The following STOX1 variants were observed in gnomAD, a reference collection of about 807,000 sequenced individuals.
STOX1 encodes the protein storkhead box 1.
STOX1 carries 57 observed loss-of-function variants against 74.8 expected under a neutral mutation model. The observed-to-expected ratio is 0.76, with a 90% confidence interval of 0.62 to 0.95. STOX1 has a LOEUF of 0.95. Ranked by LOEUF, STOX1 falls within the 40% of genes least tolerant of loss-of-function variation. The pLI is 0.00. For missense variants in STOX1, 1,010 were observed against 1,117.0 expected, an observed-to-expected ratio of 0.90 and a Z score of 1.37; for synonymous variants, 375 against 401.3, an observed-to-expected ratio of 0.93 and a Z score of 0.78.
chr10:68,833,234 T>G (rs926659054), intron 1 of STOX1, among the ~76,000 whole-genome samples: 1 of 152,038 alleles, frequency 6.6e-6, no homozygotes, highest in South Asian at 2.1e-4. Context: ...TATAGGCGCG[T>G]GCCAGCACGC....
chr10:68,858,670 A>G (rs1260547312), intron 1 of STOX1, among the ~76,000 whole-genome samples: 2 of 152,020 alleles, frequency 1.3e-5, no homozygotes, highest in Admixed American at 6.6e-5. Context: ...TTGGGACACG[A>G]GCGGTTCAGA....
At chr10:68,852,163 C>T (rs1361239018) in intron 1 of STOX1, among the ~76,000 whole-genome samples, 1 of 150,752 alleles carries the variant, frequency 6.6e-6, no homozygotes, top group Non-Finnish European at 1.5e-5. Flanking sequence ...ATCTCACTGT[C>T]TTCTGACCTC....
chr10:68,879,494 C>T (rs1000748743), intron 1 of STOX1, among the ~76,000 whole-genome samples: 3 of 152,156 alleles, frequency 2.0e-5, no homozygotes, highest in African/African-American at 7.2e-5. Context: ...CTTTCCCTTT[C>T]CCCTTCTTTG....
intron 1 of STOX1, among the ~76,000 whole-genome samples, chr10:68,876,961 T>C (rs16913356): frequency 0.026 from 4,008 of 152,234 alleles, 171 homozygotes; most frequent in African/African-American, 0.091. Context: ...AGACCATAAC[T>C]GAAGCTCGAA....
At chr10:68,889,029 G>A (rs1212104252) in intron 3 of STOX1, among the ~76,000 whole-genome samples, 1 of 151,908 alleles carries the variant, frequency 6.6e-6, no homozygotes, top group Non-Finnish European at 1.5e-5. Flanking sequence ...GTCACCAGCT[G>A]GAGTGCAATG....
At chr10:68,872,494 C>A in intron 1 of STOX1, among the ~76,000 whole-genome samples, 1 of 151,844 alleles carries the variant, frequency 6.6e-6, no homozygotes, top group African/African-American at 2.4e-5. Context: ...CACAGGCACC[C>A]ACCACCACGC....
chr10:68,841,834 G>C (rs1839698857), intron 1 of STOX1, among the ~76,000 whole-genome samples: 1 of 152,156 alleles, frequency 6.6e-6, no homozygotes, highest in Non-Finnish European at 1.5e-5. Context: ...GTAGATGTTG[G>C]AGGCGTTCCT....
intron 1 of STOX1, among the ~76,000 whole-genome samples, chr10:68,871,393 G>A (rs370543393): frequency 6.4e-4 from 98 of 152,300 alleles, no homozygotes; most frequent in Non-Finnish European, 1.3e-3. Flanking sequence ...TATATCACCC[G>A]AAAAGGAGGC....
chr10:68,846,116 GTTT>G (rs869245499), intron 1 of STOX1, among the ~76,000 whole-genome samples: 259 of 93,838 alleles, frequency 2.8e-3, no homozygotes, highest in South Asian at 9.2e-3. Context: ...ATGGCTTGAG[GTTT>G]TTATTATTAT....
intron 1 of STOX1, among the ~76,000 whole-genome samples, chr10:68,833,348 CA>C (rs1451974032): frequency 6.6e-6 from 1 of 152,086 alleles, no homozygotes; most frequent in Non-Finnish European, 1.5e-5. Context: ...CTCAGCCTCC[CA>C]AAGTACTGGT....
chr10:68,877,832 G>A (rs1166907313), intron 1 of STOX1, among the ~76,000 whole-genome samples: 1 of 152,228 alleles, frequency 6.6e-6, no homozygotes, highest in African/African-American at 2.4e-5. Context: ...AAAGCCTTCA[G>A]GCTTTGCCCT....
chr10:68,884,542 A>T lies in STOX1; in HGVS notation c.746A>T (p.Asp249Val). Residue 249 changes from aspartate (D) to valine (V), a missense_variant, in exon 3 of 4, where the codon GAC (aspartate) becomes GTC (valine). Coordinates refer to ENST00000298596, the MANE Select transcript of STOX1 (RefSeq NM_152709.5). The stretch of plus-strand genomic sequence containing the variant: ...TGTCAGTCTTGCCAGTGTTTCCGGG[A>T]CATGCACACTCAGGATGTTCAGGAA... The part of the protein sequence containing the change: ...SHCQSCQCFR[D>V]MHTQDVQEAP... 6.2e-7 allele frequency: 1 copy of T among 1,613,818 alleles called. No individual in the cohort carries two copies. The highest frequency in any genetic ancestry group is 2.2e-5 in the East Asian group (1 of 44,888).
In STOX1 at chr10:68,892,586, T is replaced by C. The variant is rs1564592029; in HGVS notation, c.2823-3T>C. ...ATAATTCTGTTATTTTTAATATCTT[T>C]AGGACACAGAGTCTGGGATCTAATA... On this transcript the variant is annotated splice_region_variant and splice_polypyrimidine_tract_variant and intron_variant, in intron 3 of 3. Coordinates refer to ENST00000298596, the MANE Select transcript of STOX1 (RefSeq NM_152709.5). 3.1e-6 allele frequency: 5 copies of C among 1,613,036 alleles called. No individual in the cohort carries two copies. Among genetic ancestry groups the C allele is most frequent in the Non-Finnish European group, 4.2e-6 (5 of 1,179,224 alleles).
intron 1 of STOX1, among the ~76,000 whole-genome samples, chr10:68,856,123 TCTC>T (rs140763209): frequency 0.021 from 3,264 of 152,074 alleles, 150 homozygotes; most frequent in African/African-American, 0.075. Flanking sequence ...GGCAAAATGC[TCTC>T]CTCATGTTTT....
Position 68,886,441 on chromosome 10 carries a change from C to A in STOX1, c.2645C>A (p.Ala882Asp). The part of the protein sequence containing the change: ...DTIGDTGKKP[A>D]SWSQSPQNQE... ...ATTGGTGACACAGGAAAGAAGCCAG[C>A]TAGCTGGAGTCAGAGTCCTCAGAAT... The change falls in exon 3 of 4, where the codon GCT (alanine) becomes GAT (aspartate). Residue 882 changes from alanine (A) to aspartate (D), a missense_variant. By Grantham distance (126) the Ala-to-Asp change is moderately radical. Coordinates refer to ENST00000298596, the MANE Select transcript of STOX1 (RefSeq NM_152709.5). The A allele has an allele frequency of 1.2e-6, 2 of 1,614,220 alleles. No individual in the cohort carries two copies. Among genetic ancestry groups the A allele is most frequent in the Non-Finnish European group, 1.7e-6 (2 of 1,180,046 alleles).
intron 1 of STOX1, among the ~76,000 whole-genome samples, chr10:68,855,763 A>AG (rs1491293364): frequency 1.3e-5 from 2 of 148,974 alleles, no homozygotes; most frequent in Non-Finnish European, 2.9e-5. Context: ...GAAAAAAAAA[A>AG]CAAAAAAAGA....
chr10:68,864,494 T>C (rs1564579762), intron 1 of STOX1, among the ~76,000 whole-genome samples: 1 of 152,204 alleles, frequency 6.6e-6, no homozygotes, highest in Non-Finnish European at 1.5e-5. Context: ...ATTTCTGCCT[T>C]CGTGAGAGGG....
chr10:68,829,144 A>G (rs1839341897), intron 1 of STOX1: 1 of 282,126 alleles, frequency 3.5e-6, no homozygotes, highest in African/African-American at 2.3e-5. Flanking sequence ...TCCATAAATC[A>G]TCCTCTTCCA....
chr10:68,849,030 C>A (rs1340603684), intron 1 of STOX1, among the ~76,000 whole-genome samples: 1 of 152,160 alleles, frequency 6.6e-6, no homozygotes, highest in Non-Finnish European at 1.5e-5. Flanking sequence ...ATGGGACCCA[C>A]GTCTGGCATC....
Sources: gnomAD v4.1 joint callset for allele counts (sites outside exome capture counted in the v4.1 genomes callset) on GRCh38, gnomAD v4.1.1 for gene constraint, MANE v1.5 for transcripts, NCBI Gene and HGNC (gene_info 2026-07-23, HGNC 2026-07-21) for gene names.